Variants in CDH6 observed in about 807,000 individuals in gnomAD.
The protein encoded by CDH6 is cadherin 6, also known as cadherin-6.
In CDH6, 31 loss-of-function variants were observed where a neutral mutation model predicts 78.0. The observed-to-expected ratio is 0.40, with a 90% CI of 0.30 to 0.54. The LOEUF (loss-of-function observed/expected upper bound fraction) is 0.54, where lower values mean the gene tolerates loss of function less well. Among genes scored for constraint, CDH6 ranks in the 20% least tolerant of loss-of-function variants. The pLI is 0.56. For missense variants in CDH6, 724 were observed against 975.9 expected (o/e 0.74, Z 3.44); for synonymous variants, 376 against 368.8 (o/e 1.02, Z -0.23).
chr5:31,290,751 C>T (rs1743134265), intron 2 of CDH6, among the ~76,000 whole-genome samples: 1 of 152,066 alleles, frequency 6.6e-6, no homozygotes, highest in African/African-American at 2.4e-5. Flanking sequence ...TGGGAGGTTT[C>T]TGCTCCGTGT....
chr5:31,310,003 C>T (rs1487769975), intron 7 of CDH6, among the ~76,000 whole-genome samples: 9 of 152,290 alleles, frequency 5.9e-5, no homozygotes, highest in Middle Eastern at 3.4e-3. Flanking sequence ...ATCTCATGTC[C>T]TTTTCACATT....
At chr5:31,249,387 C>T (rs1380435515) in intron 1 of CDH6, 1 of 152,214 alleles carries the variant, frequency 6.6e-6, no homozygotes, top group Admixed American at 6.5e-5. Flanking sequence ...TTTCCCCTCA[C>T]ATGTCATTCC....
intron 2 of CDH6, 141 bp from the exon 3 acceptor site, chr5:31,293,821 C>T (rs1298607147): frequency 2.5e-5 from 13 of 518,144 alleles, no homozygotes; most frequent in Admixed American, 3.8e-5. Flanking sequence ...TAAGAGGTTA[C>T]GTAAATAGTA....
At chr5:31,261,087 A>G (rs772244646) in intron 1 of CDH6, among the ~76,000 whole-genome samples, 2 of 151,272 alleles carry the variant, frequency 1.3e-5, no homozygotes, top group Admixed American at 6.6e-5. Context: ...TAAATACCAT[A>G]TTTTTTTTTA....
chr5:31,204,912 TAC>T (rs1479008944), intron 1 of CDH6, among the ~76,000 whole-genome samples: 1 of 152,222 alleles, frequency 6.6e-6, no homozygotes, highest in Non-Finnish European at 1.5e-5. Flanking sequence ...ATTTAGGTTT[TAC>T]CTGATTGACA....
At chr5:31,316,065 CA>C in intron 8 of CDH6, 142 bp from the exon 9 acceptor site, 2 of 772,056 alleles carry the variant, frequency 2.6e-6, no homozygotes, top group Non-Finnish European at 3.9e-6. Context: ...TTTTTGTGAC[CA>C]CACTGGTACT....
chr5:31,249,786 C>T (rs1303366377), intron 1 of CDH6: 1 of 152,218 alleles, frequency 6.6e-6, no homozygotes, highest in Non-Finnish European at 1.5e-5. Flanking sequence ...AGTCCAGTGC[C>T]TCCGGGAGCT....
At chr5:31,259,156 T>C (rs897181369) in intron 1 of CDH6, among the ~76,000 whole-genome samples, 10 of 152,234 alleles carry the variant, frequency 6.6e-5, no homozygotes, top group African/African-American at 9.6e-5. Flanking sequence ...TTATTATTTA[T>C]GAATTAGACA....
intron 1 of CDH6, among the ~76,000 whole-genome samples, chr5:31,214,019 C>T (rs1740792674): frequency 6.6e-6 from 1 of 152,096 alleles, no homozygotes; most frequent in Non-Finnish European, 1.5e-5. Context: ...TAACTCCCTA[C>T]CCCTGTGGCA....
At chr5:31,242,038 C>G (rs992302007) in intron 1 of CDH6, among the ~76,000 whole-genome samples, 1 of 152,182 alleles carries the variant, frequency 6.6e-6, no homozygotes, top group African/African-American at 2.4e-5. Context: ...CATCCCACAA[C>G]ACAGTGGCAT....
intron 11 of CDH6, among the ~76,000 whole-genome samples, chr5:31,319,908 A>G (rs1019776077): frequency 1.3e-5 from 2 of 152,214 alleles, no homozygotes; most frequent in Admixed American, 1.3e-4. Flanking sequence ...GCACTGTGCT[A>G]TTAATTTTCT....
chr5:31,269,436 A>T lies in CDH6; in HGVS notation c.228+1735A>T, dbSNP rs565007450. Among the ~76,000 whole-genome samples the T allele has an allele frequency of 2.0e-5, 3 of 152,268 alleles. No homozygotes were observed. In the South Asian group the frequency reaches 6.2e-4, roughly 32 times the overall value. Reference sequence around the variant, plus strand: ...TCCGAGAATGTGTCACAGTGCTGCCAGTTGCCAATTATGTGACCTAGGACA... The same window carrying T: ...TCCGAGAATGTGTCACAGTGCTGCCTGTTGCCAATTATGTGACCTAGGACA... On this transcript the variant is annotated intron_variant, in intron 2 of 11. Coordinates refer to ENST00000265071, the MANE Select transcript of CDH6 (RefSeq NM_004932.4).
At chr5:31,259,283 C>A (rs1230229256) in intron 1 of CDH6, among the ~76,000 whole-genome samples, 3 of 152,192 alleles carry the variant, frequency 2.0e-5, no homozygotes, top group Non-Finnish European at 4.4e-5. Context: ...ATGCCAAGTT[C>A]ACAATTACTT....
chr5:31,301,052 G>T (rs1456551691), intron 5 of CDH6, among the ~76,000 whole-genome samples: 1 of 152,140 alleles, frequency 6.6e-6, no homozygotes, highest in Non-Finnish European at 1.5e-5. Flanking sequence ...GAGCCCAGAA[G>T]TTTGAGGCTG....
chr5:31,242,861 A>G (rs896574079), intron 1 of CDH6, among the ~76,000 whole-genome samples: 1 of 128,070 alleles, frequency 7.8e-6, no homozygotes, highest in African/African-American at 3.4e-5. Flanking sequence ...GCCTCTACTA[A>G]AAAAAAAAAA....
chr5:31,303,474 G>C (rs935515823), intron 6 of CDH6, among the ~76,000 whole-genome samples: 134 of 151,926 alleles, frequency 8.8e-4, no homozygotes, highest in African/African-American at 3.1e-3. Flanking sequence ...CTACTTTTTG[G>C]AACACAACAA....
intron 2 of CDH6, among the ~76,000 whole-genome samples, chr5:31,272,774 GC>G (rs1418623897): frequency 6.6e-6 from 1 of 152,126 alleles, no homozygotes; most frequent in Non-Finnish European, 1.5e-5. Flanking sequence ...CATTCGAGGT[GC>G]TTCTATTTTT....
At chr5:31,240,221 G>T (rs1413584276) in intron 1 of CDH6, among the ~76,000 whole-genome samples, 1 of 152,150 alleles carries the variant, frequency 6.6e-6, no homozygotes. Flanking sequence ...CCTTTGTTTA[G>T]TCCAGATTTA....
intron 3 of CDH6, among the ~76,000 whole-genome samples, chr5:31,296,639 G>A (rs933645386): frequency 4.6e-5 from 7 of 152,008 alleles, no homozygotes; most frequent in East Asian, 1.9e-4. Flanking sequence ...GCTTTTATTG[G>A]TAAGTAACAA....
Sources: allele counts gnomAD v4.1 joint callset (sites outside exome capture counted in the v4.1 genomes callset), GRCh38; gene constraint gnomAD v4.1.1; transcripts MANE v1.5; gene names NCBI Gene and HGNC (gene_info 2026-07-23, HGNC 2026-07-21).